PRTFDC1: variants seen among roughly 807,000 people sequenced by gnomAD.
PRTFDC1 encodes the protein phosphoribosyl transferase domain containing 1, also known as phosphoribosyltransferase domain-containing protein 1.
Under a neutral mutation model 34.6 loss-of-function variants are expected in PRTFDC1, and 38 were observed. The observed-to-expected ratio is 1.10, with a 90% CI of 0.85 to 1.44. The LOEUF is 1.44. Ranked by LOEUF, PRTFDC1 falls within the 40% of genes most tolerant of loss-of-function variation. The pLI is 0.00. For missense variants in PRTFDC1, 270 were observed against 283.0 expected (o/e 0.95, Z 0.33); for synonymous variants, 93 against 98.1 (o/e 0.95, Z 0.31).
rs138672279 is a variant in PRTFDC1, at chr10:24,919,728, A to C, written c.339+17456T>G. On this transcript the variant is annotated intron_variant, in intron 3 of 8. Coordinates refer to ENST00000320152, the MANE Select transcript of PRTFDC1 (RefSeq NM_020200.7). ...AGATGGGAGAAAATTTTTGCAATCT[A>C]TGCATCTGACAAAGGGCTAATATCC... is the stretch of plus-strand genomic sequence containing the variant. Among the ~76,000 whole-genome samples the C allele has an allele frequency of 4.7e-3, 711 of 152,336 alleles. 3 individuals are homozygous for C. The highest frequency in any genetic ancestry group is 6.0e-3 in the Non-Finnish European group (406 of 68,030).
intron 3 of PRTFDC1, among the ~76,000 whole-genome samples, chr10:24,872,867 G>T (rs1847901536): frequency 6.8e-6 from 1 of 146,118 alleles, no homozygotes; most frequent in African/African-American, 2.5e-5. Context: ...AAGTGCAGTG[G>T]GGTGATCCTA....
chr10:24,944,715 C>T (rs1266546956), intron 1 of PRTFDC1, among the ~76,000 whole-genome samples: 1 of 152,102 alleles, frequency 6.6e-6, no homozygotes, highest in South Asian at 2.1e-4. Flanking sequence ...CCCGGGAGTT[C>T]GAGGCTGCAG....
rs55974992 is a variant in PRTFDC1, at chr10:24,939,793, CAAAAAAAAA to C, written c.156-2435_156-2427del. On this transcript the variant is annotated intron_variant, in intron 2 of 8. Coordinates refer to ENST00000320152, the MANE Select transcript of PRTFDC1 (RefSeq NM_020200.7). ...AGGGTGACAGAGTGAGACTCTATCT[CAAAAAAAAA>C]AAAAAAAAAAAAAGAAAAAGAAACT... Among the ~76,000 whole-genome samples the C allele has an allele frequency of 4.6e-4, 33 of 71,540 alleles. No homozygotes were observed. The South Asian group carries it at 0.018, about 39-fold the overall frequency. The allele number at this position is 71,540 out of a possible 152,430, so 46.9% of individuals were successfully genotyped here.
chr10:24,930,909 G>A (rs1409307), intron 3 of PRTFDC1, among the ~76,000 whole-genome samples: 97,324 of 151,982 alleles, frequency 0.64, 32,356 homozygotes, highest in African/African-American at 0.84. Context: ...AGAGAAATAC[G>A]CAAGGAAAAG....
intron 3 of PRTFDC1, among the ~76,000 whole-genome samples, chr10:24,916,403 C>T (rs1188771851): frequency 6.6e-6 from 1 of 152,180 alleles, no homozygotes; most frequent in Non-Finnish European, 1.5e-5. Context: ...TGAAATCTTC[C>T]TACTTACTCA....
At chr10:24,913,134 A>G (rs901581963) in intron 3 of PRTFDC1, among the ~76,000 whole-genome samples, 4 of 152,214 alleles carry the variant, frequency 2.6e-5, no homozygotes, top group Non-Finnish European at 5.9e-5. Context: ...AATGGCAGCC[A>G]CTTTATGGAG....
chr10:24,866,243 C>T (rs892794038), intron 4 of PRTFDC1, among the ~76,000 whole-genome samples: 1 of 151,750 alleles, frequency 6.6e-6, no homozygotes, highest in East Asian at 1.9e-4. Context: ...CTCCTCTAAT[C>T]CCAGCCACTC....
chr10:24,947,590 A>T (rs944368475), intron 1 of PRTFDC1, among the ~76,000 whole-genome samples: 3 of 152,164 alleles, frequency 2.0e-5, no homozygotes, highest in Admixed American at 1.3e-4. Context: ...TCTTTTTCGC[A>T]CTGAAGATGC....
chr10:24,868,361 G>A (rs940602676), intron 4 of PRTFDC1, among the ~76,000 whole-genome samples: 2 of 152,098 alleles, frequency 1.3e-5, no homozygotes, highest in Non-Finnish European at 2.9e-5. Flanking sequence ...AAAGACCTAT[G>A]GGGCTCTTCT....
intron 3 of PRTFDC1, among the ~76,000 whole-genome samples, chr10:24,903,792 C>A (rs544495459): frequency 6.6e-6 from 1 of 151,644 alleles, no homozygotes; most frequent in South Asian, 2.1e-4. Context: ...TTCTCTTCAG[C>A]CTCCCAAGTA....
intron 4 of PRTFDC1, among the ~76,000 whole-genome samples, chr10:24,866,827 A>C (rs1031575300): frequency 6.6e-6 from 1 of 151,806 alleles, no homozygotes; most frequent in African/African-American, 2.4e-5. Context: ...AGAGAGAGAA[A>C]GGAAGAGAGA....
intron 7 of PRTFDC1, among the ~76,000 whole-genome samples, chr10:24,852,988 T>G (rs929530614): frequency 3.3e-5 from 5 of 151,996 alleles, no homozygotes; most frequent in Non-Finnish European, 5.9e-5. Flanking sequence ...GGGGGTTGCA[T>G]TATGGAGTCC....
intron 3 of PRTFDC1, among the ~76,000 whole-genome samples, chr10:24,888,650 GA>G (rs1848210351): frequency 2.6e-5 from 4 of 152,220 alleles, no homozygotes; most frequent in African/African-American, 9.6e-5. Context: ...AGTGTTTACA[GA>G]AAAACACTAG....
intron 3 of PRTFDC1, among the ~76,000 whole-genome samples, chr10:24,872,806 A>ATATT (rs1235935301): frequency 2.5e-5 from 3 of 117,650 alleles, no homozygotes; most frequent in African/African-American, 7.2e-5. Context: ...ATATATATAT[A>ATATT]TTTTTTTTTT....
chr10:24,875,172 C>T (rs35163095), intron 3 of PRTFDC1, among the ~76,000 whole-genome samples: 18,688 of 152,120 alleles, frequency 0.12, 1,448 homozygotes, highest in South Asian at 0.22. Flanking sequence ...AGGTACAATG[C>T]GATGTTATGA....
At chr10:24,937,422 T>C in intron 2 of PRTFDC1, 55 bp from the exon 3 acceptor site, 7 of 1,480,828 alleles carry the variant, frequency 4.7e-6, no homozygotes, top group Non-Finnish European at 6.4e-6. Flanking sequence ...GTATTTATGT[T>C]GCTTTAATGA....
chr10:24,896,391 GA>G (rs1182576156), intron 3 of PRTFDC1, among the ~76,000 whole-genome samples: 1 of 152,132 alleles, frequency 6.6e-6, no homozygotes, highest in African/African-American at 2.4e-5. Context: ...CTAGTCCATG[GA>G]AAAGCTGTCT....
intron 3 of PRTFDC1, among the ~76,000 whole-genome samples, chr10:24,885,644 G>C (rs565677770): frequency 2.0e-5 from 3 of 152,324 alleles, no homozygotes; most frequent in East Asian, 3.9e-4. Context: ...GACCTCAAGT[G>C]ATCTGCCTGC....
chr10:24,907,933 T>C (rs1848562162), intron 3 of PRTFDC1, among the ~76,000 whole-genome samples: 1 of 152,232 alleles, frequency 6.6e-6, no homozygotes, highest in Admixed American at 6.5e-5. Context: ...TATTTCATTC[T>C]AGGGCTAGGC....
Sources: allele counts gnomAD v4.1 joint callset (sites outside exome capture counted in the v4.1 genomes callset), GRCh38; gene constraint gnomAD v4.1.1; transcripts MANE v1.5; gene names NCBI Gene and HGNC (gene_info 2026-07-23, HGNC 2026-07-21).